CDC42SE2: variants seen among roughly 807,000 people sequenced by gnomAD.
CDC42SE2 encodes the protein CDC42 small effector protein 2.
CDC42SE2 carries 3 observed loss-of-function variants against 11.5 expected under a neutral mutation model. That is an observed-to-expected ratio of 0.26 (90% CI 0.12 to 0.67). The LOEUF (loss-of-function observed/expected upper bound fraction) is 0.67, where lower values mean the gene tolerates loss of function less well. Ranked by LOEUF, CDC42SE2 falls within the 30% of genes least tolerant of loss-of-function variation. The pLI is 0.80. For missense variants in CDC42SE2, 82 were observed against 106.8 expected (o/e 0.77, Z 1.02); for synonymous variants, 33 against 34.8 (o/e 0.95, Z 0.18).
At chr5:131,306,620 T>A (rs1757783569) in intron 1 of CDC42SE2, among the ~76,000 whole-genome samples, 1 of 152,218 alleles carries the variant, frequency 6.6e-6, no homozygotes, top group Non-Finnish European at 1.5e-5. Flanking sequence ...TTTCTATTTC[T>A]GTGAAAAACA....
At chr5:131,375,811 C>T (rs763215746) in intron 3 of CDC42SE2, among the ~76,000 whole-genome samples, 2 of 152,148 alleles carry the variant, frequency 1.3e-5, no homozygotes, top group African/African-American at 4.8e-5. Flanking sequence ...TGTCCCTTAA[C>T]ATATTAGAGA....
intron 3 of CDC42SE2, among the ~76,000 whole-genome samples, chr5:131,360,072 A>G (rs1012138478): frequency 1.1e-4 from 17 of 152,124 alleles, no homozygotes; most frequent in African/African-American, 4.1e-4. Context: ...GTGCCCTCTA[A>G]TATATGCACA....
At chr5:131,337,198 C>T (rs1408886212) in intron 2 of CDC42SE2, among the ~76,000 whole-genome samples, 2 of 152,192 alleles carry the variant, frequency 1.3e-5, no homozygotes, top group East Asian at 3.8e-4. Context: ...TCAGGACCCT[C>T]AACTGCAGGT....
At chr5:131,229,411 GTTA>G in the CDC42SE2 span, among the ~76,000 whole-genome samples, 2 of 151,322 alleles carry the variant, frequency 1.3e-5, no homozygotes, top group South Asian at 2.1e-4. Context: ...TTTTATTTTT[GTTA>G]TTATTATTAT....
intron 2 of CDC42SE2, among the ~76,000 whole-genome samples, chr5:131,349,940 TAATA>T (rs1391976498): frequency 2.0e-5 from 3 of 152,188 alleles, no homozygotes; most frequent in Non-Finnish European, 2.9e-5. Context: ...GAAACTTGTA[TAATA>T]AATAGAATTT....
intron 1 of CDC42SE2, among the ~76,000 whole-genome samples, chr5:131,248,050 C>A (rs1436392795): frequency 6.6e-6 from 1 of 151,962 alleles, no homozygotes; most frequent in Non-Finnish European, 1.5e-5. Flanking sequence ...ATGGAAACTT[C>A]CTTAACTTGA....
At chr5:131,381,619 G>A (rs1430873129) in intron 3 of CDC42SE2, among the ~76,000 whole-genome samples, 2 of 152,254 alleles carry the variant, frequency 1.3e-5, no homozygotes, top group South Asian at 2.1e-4. Flanking sequence ...CACCACATCC[G>A]GCCCAAATGC....
At chr5:131,252,520 G>T (rs1307638115) in intron 1 of CDC42SE2, among the ~76,000 whole-genome samples, 1 of 152,176 alleles carries the variant, frequency 6.6e-6, no homozygotes, top group Non-Finnish European at 1.5e-5. Context: ...AGCCGGGCGT[G>T]GTGGCGTGTG....
intron 2 of CDC42SE2, among the ~76,000 whole-genome samples, chr5:131,339,203 G>C (rs1038097100): frequency 1.0e-4 from 13 of 127,266 alleles, no homozygotes; most frequent in Non-Finnish European, 2.0e-4. Flanking sequence ...AGCTGAGATC[G>C]CACCACTGCA....
chr5:131,264,717 G>A (rs899413746), intron 1 of CDC42SE2, among the ~76,000 whole-genome samples: 13 of 152,240 alleles, frequency 8.5e-5, no homozygotes, highest in Non-Finnish European at 1.6e-4. Context: ...CGTCGCGGGA[G>A]CTGAGCTACT....
chr5:131,312,015 G>A (rs1262970839), intron 1 of CDC42SE2, among the ~76,000 whole-genome samples: 1 of 152,114 alleles, frequency 6.6e-6, no homozygotes, highest in Non-Finnish European at 1.5e-5. Flanking sequence ...AGGAGGAGAG[G>A]CGCTCTGCTT....
rs187960681 is a variant in CDC42SE2, at chr5:131,318,971, G to A, written c.-286+2827G>A. On this transcript the variant is annotated intron_variant, in intron 2 of 4. Coordinates refer to ENST00000505065, the MANE Select transcript of CDC42SE2 (RefSeq NM_001375635.1). ...GGCTGGAGTGCAGTGGCACAATCTCGGCTCATTGCAACCTCCGCCTCCAGG... is the reference window on the plus strand; with the variant it reads ...GGCTGGAGTGCAGTGGCACAATCTCAGCTCATTGCAACCTCCGCCTCCAGG... Among the ~76,000 whole-genome samples the A allele has an allele frequency of 1.3e-4, 20 of 151,976 alleles. No individual in the cohort carries two copies. In the South Asian group the frequency reaches 3.9e-3, roughly 30 times the overall value.
chr5:131,370,464 C>G (rs767724721), intron 3 of CDC42SE2, among the ~76,000 whole-genome samples: 1 of 151,442 alleles, frequency 6.6e-6, no homozygotes, highest in Non-Finnish European at 1.5e-5. Context: ...AGTGTGAATA[C>G]TGAAACATTT....
At chr5:131,266,253 A>G (rs1266367420) in intron 1 of CDC42SE2, among the ~76,000 whole-genome samples, 1 of 152,166 alleles carries the variant, frequency 6.6e-6, no homozygotes, top group East Asian at 1.9e-4. Flanking sequence ...TATTTATTTC[A>G]GGAATCCAGA....
chr5:131,234,349 A>G, the CDC42SE2 span, among the ~76,000 whole-genome samples: 19 of 152,234 alleles, frequency 1.2e-4, 1 homozygote, highest in Admixed American at 1.2e-3. Flanking sequence ...ACATAGATAG[A>G]TAGATAGGCC....
Position 131,246,973 on chromosome 5 carries a change from A to G in CDC42SE2, n.107+1374A>G, listed in dbSNP as rs368181835. Among the ~76,000 whole-genome samples, 4 of 151,856 alleles carry G rather than the reference A, an allele frequency of 2.6e-5. No homozygotes were observed. In the East Asian group the frequency reaches 7.8e-4, roughly 29 times the overall value. ...TGGCCAGTCTGGTCTCAAACTCCCA[A>G]CCTCAGGTGGTCTGCCTGCCTCAGT... is the stretch of plus-strand genomic sequence containing the variant. On this transcript the variant is annotated intron_variant and non_coding_transcript_variant, in intron 1 of 3. Coordinates refer to the CDC42SE2 transcript ENST00000502840.
chr5:131,348,770 C>A (rs911135100), intron 2 of CDC42SE2, among the ~76,000 whole-genome samples: 1 of 152,142 alleles, frequency 6.6e-6, no homozygotes, highest in African/African-American at 2.4e-5. Flanking sequence ...ACCAAAACAG[C>A]ATGGTACTGG....
At chr5:131,290,595 T>C (rs1757438562) in intron 1 of CDC42SE2, among the ~76,000 whole-genome samples, 1 of 149,880 alleles carries the variant, frequency 6.7e-6, no homozygotes, top group Admixed American at 6.7e-5. Flanking sequence ...TCCTCCCATC[T>C]CAGACTCCTG....
At position 131,318,416 on chromosome 5, in the gene CDC42SE2, G is replaced by A. The variant is rs1035871354; in HGVS notation, c.-286+2272G>A. ...TGGAACATGTTTCCTACCTAAGACA[G>A]TCATGGCAGGCATGCACCTTAAGCT... On this transcript the variant is annotated intron_variant, in intron 2 of 4. Transcript: ENST00000505065. Among the ~76,000 whole-genome samples the A allele has an allele frequency of 5.3e-5, 8 of 152,240 alleles. No homozygotes were observed. The South Asian group carries it at 8.3e-4, about 16-fold the overall frequency.
Sources: allele counts gnomAD v4.1 joint callset (sites outside exome capture counted in the v4.1 genomes callset), GRCh38; gene constraint gnomAD v4.1.1; transcripts MANE v1.5; gene names NCBI Gene and HGNC (gene_info 2026-07-23, HGNC 2026-07-21).